FCHSD2: variants seen among roughly 807,000 people sequenced by gnomAD.
FCHSD2 encodes F-BAR and double SH3 domains protein 2.
FCHSD2 carries 38 observed loss-of-function variants against 108.1 expected under a neutral mutation model. The observed-to-expected ratio is 0.35, with a 90% CI of 0.27 to 0.46. The LOEUF is 0.46. Among genes scored for constraint, FCHSD2 ranks in the 20% least tolerant of loss-of-function variants. FCHSD2 has a pLI of 1.00. For missense variants in FCHSD2, 751 were observed against 897.8 expected (o/e 0.84, Z 2.09); for synonymous variants, 279 against 314.7 (o/e 0.89, Z 1.20).
chr11:73,050,450 T>C (rs920253022), intron 3 of FCHSD2, among the ~76,000 whole-genome samples: 7 of 152,204 alleles, frequency 4.6e-5, no homozygotes, highest in Non-Finnish European at 1.0e-4. Flanking sequence ...ACTATAAACA[T>C]ATATGGGACG....
At chr11:72,863,006 T>C (rs549597815) in intron 13 of FCHSD2, among the ~76,000 whole-genome samples, 9 of 152,318 alleles carry the variant, frequency 5.9e-5, no homozygotes, top group South Asian at 2.1e-4. Flanking sequence ...CGCTGTAACC[T>C]TGAACTTCTG....
chr11:73,119,622 A>AT (rs1238214811), intron 2 of FCHSD2, among the ~76,000 whole-genome samples: 1 of 151,762 alleles, frequency 6.6e-6, no homozygotes, highest in Non-Finnish European at 1.5e-5. Flanking sequence ...AATTTTTTTT[A>AT]TTTTTTTGTA....
At position 73,073,250 on chromosome 11, in the gene FCHSD2, T is replaced by G. The variant is rs1476462066; in HGVS notation, c.165+10445A>C. On this transcript the variant is annotated intron_variant, in intron 3 of 19. Transcript: ENST00000409418. ...CAGTTATTCTTACATGACTTCTGTT[T>G]TCACAGATACATTTGTCATTTGTAG... 4.6e-5 allele frequency among the ~76,000 whole-genome samples: 7 copies of G among 152,264 alleles called. No individual in the cohort carries two copies. In the South Asian group the frequency reaches 8.3e-4, roughly 18 times the overall value.
intron 2 of FCHSD2, among the ~76,000 whole-genome samples, chr11:73,118,786 T>A (rs956351131): frequency 6.6e-6 from 1 of 152,162 alleles, no homozygotes; most frequent in Non-Finnish European, 1.5e-5. Context: ...CCCTCACAAC[T>A]CTGAGAGACC....
Position 72,984,111 on chromosome 11 carries a change from T to C in FCHSD2, c.682A>G (p.Thr228Ala), listed in dbSNP as rs1857266842. 1.2e-6 allele frequency: 2 copies of C among 1,613,116 alleles called. No homozygotes were observed. The highest frequency in any genetic ancestry group is 1.7e-6 in the Non-Finnish European group (2 of 1,179,310). Residue 228 changes from threonine (T) to alanine (A), a missense_variant, in exon 8 of 20, where the codon ACA (threonine) becomes GCA (alanine). Thr to Ala is a moderately conservative substitution (Grantham distance 58, BLOSUM62 0). Transcript: ENST00000409418. ...ANAHQDRYYQ[T>A]DLVNIMKALD... ...ACCTTCATAATGTTAACTAAATCTG[T>C]TTGATAGTAGCGATCCTGATGTGCA... is the stretch of plus-strand genomic sequence containing the variant.
At chr11:73,129,741 C>T (rs764358679) in intron 2 of FCHSD2, among the ~76,000 whole-genome samples, 10 of 152,134 alleles carry the variant, frequency 6.6e-5, no homozygotes, top group South Asian at 2.1e-4. Context: ...TGACCCCACC[C>T]GCAGTCCATG....
intron 8 of FCHSD2, among the ~76,000 whole-genome samples, chr11:72,928,358 T>C (rs1303335613): frequency 1.3e-5 from 2 of 152,220 alleles, no homozygotes; most frequent in Non-Finnish European, 2.9e-5. Flanking sequence ...CTCTCTCTCA[T>C]TAGCACCATC....
Position 72,999,866 on chromosome 11 carries a change from GACACACACACACACACACACAA to G in FCHSD2, c.387+1102_387+1123del, listed in dbSNP as rs1443352154. 3.3e-5 allele frequency among the ~76,000 whole-genome samples: 5 copies of G among 150,408 alleles called. No homozygotes were observed. In the South Asian group the frequency reaches 8.4e-4, roughly 25 times the overall value. On this transcript the variant is annotated intron_variant, in intron 5 of 19. Coordinates refer to ENST00000409418, the MANE Select transcript of FCHSD2 (RefSeq NM_014824.3). Reference sequence around the variant, plus strand: ...CTTACACCCTCTTTCTGCACAATCAGACACACACACACACACACACAAACACACACACACACACACTTTCTTC... The same window carrying G: ...CTTACACCCTCTTTCTGCACAATCAGACACACACACACACACACTTTCTTC...
At chr11:72,887,425 T>C in intron 12 of FCHSD2, 45 bp downstream of exon 12, 1 of 1,171,694 alleles carries the variant, frequency 8.5e-7, no homozygotes. Context: ...GCTGTGACAG[T>C]GTCATTAGAC....
chr11:72,882,018 G>T (rs915169539), intron 12 of FCHSD2, among the ~76,000 whole-genome samples: 2 of 152,156 alleles, frequency 1.3e-5, no homozygotes, highest in Admixed American at 1.3e-4. Context: ...GGTGGCGGGC[G>T]CCTGTAGTCC....
chr11:73,016,015 A>T, intron 3 of FCHSD2, 130 bp from the exon 4 acceptor site: 1 of 605,526 alleles, frequency 1.7e-6, no homozygotes. Flanking sequence ...AAAAAAAACA[A>T]TGATAGGCTG....
At position 72,992,108 on chromosome 11, in the gene FCHSD2, T is replaced by C. The variant is rs573349448; in HGVS notation, c.388-3011A>G. Among the ~76,000 whole-genome samples the C allele has an allele frequency of 2.6e-5, 4 of 152,272 alleles. No individual in the cohort carries two copies. In the South Asian group the frequency reaches 8.3e-4, roughly 32 times the overall value. ...GTGCAAAAAATCACAAGCATTCTTA[T>C]ACACCAATAACAGACAAACAGAGAG... On this transcript the variant is annotated intron_variant, in intron 5 of 19. Transcript: ENST00000409418.
At chr11:73,035,467 C>T (rs1033161149) in intron 3 of FCHSD2, among the ~76,000 whole-genome samples, 3 of 151,960 alleles carry the variant, frequency 2.0e-5, no homozygotes, top group African/African-American at 7.3e-5. Context: ...CTGCGCCTGG[C>T]CATTAACTTG....
chr11:73,002,530 C>T (rs1020403388), intron 4 of FCHSD2, among the ~76,000 whole-genome samples: 3 of 151,852 alleles, frequency 2.0e-5, no homozygotes, highest in African/African-American at 7.3e-5. Flanking sequence ...GAAGAATGTA[C>T]TGAGAGAAAA....
At chr11:72,981,277 C>T (rs1184325188) in intron 8 of FCHSD2, among the ~76,000 whole-genome samples, 1 of 152,150 alleles carries the variant, frequency 6.6e-6, no homozygotes, top group Non-Finnish European at 1.5e-5. Flanking sequence ...GCATGACCTA[C>T]CCAATGCTGA....
chr11:72,958,336 G>A (rs1856753692), intron 8 of FCHSD2, among the ~76,000 whole-genome samples: 1 of 152,090 alleles, frequency 6.6e-6, no homozygotes, highest in Non-Finnish European at 1.5e-5. Flanking sequence ...TGGCCAATGT[G>A]GTGAAACTCT....
Position 73,087,666 on chromosome 11 carries a change from C to A in FCHSD2, c.120-3926G>T, listed in dbSNP as rs531344404. Reference sequence around the variant, plus strand: ...GTTGCAGTGGGCCGAGATCACACCACTGCACTCCAGCCTGGGCAACAGAGC... The same window carrying A: ...GTTGCAGTGGGCCGAGATCACACCAATGCACTCCAGCCTGGGCAACAGAGC... On this transcript the variant is annotated intron_variant, in intron 2 of 19. Transcript: ENST00000409418. 7.3e-5 allele frequency among the ~76,000 whole-genome samples: 11 copies of A among 151,320 alleles called. No individual in the cohort carries two copies. The East Asian group carries it at 2.1e-3, about 29-fold the overall frequency.
At chr11:73,080,294 C>T (rs1859651466) in intron 3 of FCHSD2, among the ~76,000 whole-genome samples, 1 of 111,004 alleles carries the variant, frequency 9.0e-6, no homozygotes, top group Non-Finnish European at 1.7e-5. Context: ...AAGACCCTGT[C>T]TCAAAAAAAA....
chr11:73,070,516 C>A (rs1319242513), intron 3 of FCHSD2, among the ~76,000 whole-genome samples: 1 of 152,068 alleles, frequency 6.6e-6, no homozygotes, highest in Non-Finnish European at 1.5e-5. Context: ...CTCCACCTCC[C>A]GGGTTCAAGC....
Sources: gnomAD v4.1 joint callset for allele counts (sites outside exome capture counted in the v4.1 genomes callset) on GRCh38, gnomAD v4.1.1 for gene constraint, MANE v1.5 for transcripts, NCBI Gene and HGNC (gene_info 2026-07-23, HGNC 2026-07-21) for gene names.